Variants in OPCML observed in about 807,000 individuals in gnomAD.
OPCML encodes the protein opioid-binding protein/cell adhesion molecule.
OPCML carries 13 observed loss-of-function variants against 37.8 expected under a neutral mutation model. The observed-to-expected ratio is 0.34, with a 90% CI of 0.22 to 0.55. The LOEUF is 0.55. Ranked by LOEUF, OPCML falls within the 20% of genes least tolerant of loss-of-function variation. The probability of loss-of-function intolerance (pLI) is 0.91; values close to 1 mark genes in which losing one functional copy is unlikely to be tolerated. For missense variants in OPCML, 341 were observed against 435.6 expected (o/e 0.78, Z 1.93); for synonymous variants, 176 against 168.8 (o/e 1.04, Z -0.33).
At chr11:133,184,221 C>A (rs1937968403) in intron 1 of OPCML, among the ~76,000 whole-genome samples, 1 of 152,144 alleles carries the variant, frequency 6.6e-6, no homozygotes, top group South Asian at 2.1e-4. Flanking sequence ...TAATAAGACA[C>A]CACTAGGTAT....
intron 1 of OPCML, among the ~76,000 whole-genome samples, chr11:133,016,813 T>C (rs1640512577): frequency 6.6e-6 from 1 of 152,126 alleles, no homozygotes; most frequent in Non-Finnish European, 1.5e-5. Flanking sequence ...ACCACAAACA[T>C]ATAACATCCT....
At chr11:133,267,177 T>C (rs1254651907) in intron 1 of OPCML, among the ~76,000 whole-genome samples, 2 of 152,194 alleles carry the variant, frequency 1.3e-5, no homozygotes, top group Admixed American at 6.5e-5. Context: ...TTGGCTCCAA[T>C]CCCAGCTCTG....
At chr11:133,038,806 C>T (rs1160134609) in intron 1 of OPCML, among the ~76,000 whole-genome samples, 8 of 146,532 alleles carry the variant, frequency 5.5e-5, no homozygotes, top group African/African-American at 2.1e-4. Context: ...TCTTCTGACT[C>T]ACTGTTGCCT....
At position 133,260,403 on chromosome 11, in the gene OPCML, C is replaced by T. The variant is rs902407752; in HGVS notation, c.61+271861G>A. Among the ~76,000 whole-genome samples the T allele has an allele frequency of 2.6e-5, 4 of 151,940 alleles. No individual in the cohort carries two copies. The East Asian group carries it at 5.8e-4, about 22-fold the overall frequency. On this transcript the variant is annotated intron_variant, in intron 1 of 7. Transcript: ENST00000524381. ...AGGGTCTGAGGCTGGGACCAGGGGGCTATTGCAGAAATCCAGGCAGGGTGG... is the reference window on the plus strand; with the variant it reads ...AGGGTCTGAGGCTGGGACCAGGGGGTTATTGCAGAAATCCAGGCAGGGTGG...
At chr11:133,231,125 G>T (rs1940257205) in intron 1 of OPCML, among the ~76,000 whole-genome samples, 2 of 152,208 alleles carry the variant, frequency 1.3e-5, no homozygotes, top group African/African-American at 4.8e-5. Flanking sequence ...CTCTCCCTTT[G>T]TCTGTTCTAA....
chr11:132,957,660 T>A (rs1414964650), intron 1 of OPCML, among the ~76,000 whole-genome samples: 6 of 151,988 alleles, frequency 3.9e-5, no homozygotes, highest in African/African-American at 1.5e-4. Context: ...CACCATTTTT[T>A]CCAGCAACAT....
chr11:133,018,426 C>T (rs748007076), intron 1 of OPCML, among the ~76,000 whole-genome samples: 1 of 151,904 alleles, frequency 6.6e-6, no homozygotes, highest in African/African-American at 2.4e-5. Context: ...CTTTTCTTTT[C>T]CCCTTTTGAA....
At chr11:133,029,136 G>A (rs1052712495) in intron 1 of OPCML, among the ~76,000 whole-genome samples, 2 of 152,170 alleles carry the variant, frequency 1.3e-5, no homozygotes, top group African/African-American at 2.4e-5. Flanking sequence ...CTAATCATTA[G>A]AGAAATGCAA....
intron 2 of OPCML, among the ~76,000 whole-genome samples, chr11:132,792,703 G>A (rs1415297804): frequency 6.6e-6 from 1 of 152,172 alleles, no homozygotes; most frequent in African/African-American, 2.4e-5. Context: ...CCCCACCTGC[G>A]GCCCCCAGGA....
At chr11:133,303,784 C>CA (rs79299582) in intron 1 of OPCML, among the ~76,000 whole-genome samples, 26,666 of 149,206 alleles carry the variant, frequency 0.18, 2,871 homozygotes, top group Non-Finnish European at 0.25. Flanking sequence ...TTTGTAGAAA[C>CA]AAAAAAAAAG....
At chr11:132,550,707 T>C (rs1467558179) in intron 3 of OPCML, among the ~76,000 whole-genome samples, 1 of 152,218 alleles carries the variant, frequency 6.6e-6, no homozygotes, top group African/African-American at 2.4e-5. Flanking sequence ...AGCATGTGTC[T>C]GAGAAGAGGA....
At chr11:133,279,875 G>A (rs1413181869) in intron 1 of OPCML, among the ~76,000 whole-genome samples, 2 of 152,174 alleles carry the variant, frequency 1.3e-5, no homozygotes, top group Non-Finnish European at 2.9e-5. Context: ...AGATAGTGGT[G>A]TAAATACTGG....
chr11:133,366,484 A>G (rs1372755287), intron 1 of OPCML, among the ~76,000 whole-genome samples: 1 of 152,180 alleles, frequency 6.6e-6, no homozygotes, highest in Admixed American at 6.5e-5. Context: ...AAAAGTGTCA[A>G]AACAAAGGCT....
In OPCML at chr11:132,645,283, A is replaced by G. The variant is rs147919926; in HGVS notation, c.379+11804T>C. ...CCAAGGGAAAGGACTTGAAGGGAAT[A>G]AATCCATGCTGGACGTGGCTTTTCA... On this transcript the variant is annotated intron_variant, in intron 3 of 7. Transcript: ENST00000524381. 1.7e-4 allele frequency among the ~76,000 whole-genome samples: 26 copies of G among 152,358 alleles called. No individual in the cohort carries two copies. The East Asian group carries it at 5.0e-3, about 29-fold the overall frequency.
At chr11:133,365,715 G>C (rs897438439) in intron 1 of OPCML, 1 of 152,236 alleles carries the variant, frequency 6.6e-6, no homozygotes, top group South Asian at 2.1e-4. Context: ...GCTGTCTAAA[G>C]TCTGCTTTCC....
intron 4 of OPCML, among the ~76,000 whole-genome samples, chr11:132,456,565 C>T (rs1204721265): frequency 6.6e-6 from 1 of 152,120 alleles, no homozygotes; most frequent in Admixed American, 6.6e-5. Flanking sequence ...TCCACATTAG[C>T]CCATAATCCA....
intron 2 of OPCML, among the ~76,000 whole-genome samples, chr11:132,753,919 C>A (rs910281061): frequency 6.6e-6 from 1 of 152,176 alleles, no homozygotes; most frequent in East Asian, 1.9e-4. Context: ...TGCACATCAA[C>A]TTTAATTTTA....
chr11:133,056,811 G>A (rs193144808), intron 1 of OPCML, among the ~76,000 whole-genome samples: 7 of 152,076 alleles, frequency 4.6e-5, no homozygotes, highest in East Asian at 1.9e-4. Context: ...TCAACTCCTC[G>A]AGGGGAGAGA....
At chr11:133,333,260 T>A (rs988355576) in intron 1 of OPCML, among the ~76,000 whole-genome samples, 1 of 152,158 alleles carries the variant, frequency 6.6e-6, no homozygotes, top group Admixed American at 6.5e-5. Flanking sequence ...GGTTTCACCA[T>A]GTTGCCCAGG....
Sources: allele counts gnomAD v4.1 joint callset (sites outside exome capture counted in the v4.1 genomes callset), GRCh38; gene constraint gnomAD v4.1.1; transcripts MANE v1.5; gene names NCBI Gene and HGNC (gene_info 2026-07-23, HGNC 2026-07-21).